The following SGK3 variants were observed in gnomAD, a reference collection of about 807,000 sequenced individuals.
SGK3 encodes the protein serine/threonine-protein kinase Sgk3.
SGK3 carries 47 observed loss-of-function variants against 68.5 expected under a neutral mutation model. The observed-to-expected ratio is 0.69, with a 90% CI of 0.54 to 0.87. The LOEUF is 0.87. SGK3 is among the 40% of genes least tolerant of loss of function. The probability of loss-of-function intolerance (pLI) is 0.00; values close to 1 mark genes in which losing one functional copy is unlikely to be tolerated. For synonymous variants in SGK3, 181 were observed against 189.1 expected (o/e 0.96, Z 0.35); for missense variants, 479 against 575.5 (o/e 0.83, Z 1.72).
chr8:66,858,036 A>C (rs1810594935), intron 16 of SGK3, among the ~76,000 whole-genome samples: 1 of 152,106 alleles, frequency 6.6e-6, no homozygotes. Context: ...AATTTTACTT[A>C]TAACCAAGAA....
At chr8:66,835,652 T>G (rs909897842) in intron 8 of SGK3, 111 bp from the exon 9 acceptor site, 2 of 1,199,186 alleles carry the variant, frequency 1.7e-6, no homozygotes, top group African/African-American at 3.1e-5. Context: ...CTAGGTCCCT[T>G]ATGGACTTTC....
At position 66,713,160 on chromosome 8, in the gene SGK3, C is replaced by T. The variant is rs144043560; in HGVS notation, c.-122+327C>T. 5.0e-3 allele frequency among the ~76,000 whole-genome samples: 764 copies of T among 152,302 alleles called. 1 individual carries two copies. Among genetic ancestry groups the T allele is most frequent in the Non-Finnish European group, 8.7e-3 (594 of 68,018 alleles). The stretch of plus-strand genomic sequence containing the variant: ...TCTGAGGTCGAAAGTGGGTGCAGGT[C>T]ACCTGCGAGGGTCGGGGAGGGGGCA... On this transcript the variant is annotated intron_variant, in intron 1 of 16. Transcript: ENST00000521198.
chr8:66,770,233 C>T (rs780752613), intron 1 of SGK3, among the ~76,000 whole-genome samples: 3 of 152,310 alleles, frequency 2.0e-5, no homozygotes, highest in South Asian at 4.1e-4. Context: ...GGATTACAGG[C>T]GTGAGCCACC....
chr8:66,761,707 AAC>A (rs1806168286), intron 1 of SGK3, among the ~76,000 whole-genome samples: 1 of 152,018 alleles, frequency 6.6e-6, no homozygotes, highest in African/African-American at 2.4e-5. Context: ...TGGCGGAGGT[AAC>A]AGTGAGCTGA....
At chr8:66,800,704 C>T (rs1201565165) in intron 3 of SGK3, among the ~76,000 whole-genome samples, 1 of 151,980 alleles carries the variant, frequency 6.6e-6, no homozygotes, top group Admixed American at 6.6e-5. Flanking sequence ...GTATTTGTTC[C>T]TAATATTCAA....
At chr8:66,772,834 A>T (rs1447382500) in intron 1 of SGK3, among the ~76,000 whole-genome samples, 1 of 151,914 alleles carries the variant, frequency 6.6e-6, no homozygotes, top group Non-Finnish European at 1.5e-5. Context: ...GGCTGGTCTC[A>T]AACTCCACTC....
At chr8:66,777,141 T>C (rs1325434348) in intron 1 of SGK3, among the ~76,000 whole-genome samples, 2 of 152,240 alleles carry the variant, frequency 1.3e-5, no homozygotes, top group African/African-American at 2.4e-5. Flanking sequence ...GCTACTGTTT[T>C]GTTAGTTGCT....
chr8:66,792,363 T>C (rs1053016584), intron 1 of SGK3, among the ~76,000 whole-genome samples: 1 of 151,254 alleles, frequency 6.6e-6, no homozygotes, highest in African/African-American at 2.4e-5. Context: ...TCTTTTTGAC[T>C]GCATTTCCAG....
chr8:66,744,491 A>G (rs1411512978), intron 1 of SGK3, among the ~76,000 whole-genome samples: 795 of 18,488 alleles, frequency 0.043, 14 homozygotes, highest in South Asian at 0.098. Context: ...GTGTATATAT[A>G]TATATATATA....
chr8:66,814,921 TTGTA>T (rs1808518294), intron 5 of SGK3, among the ~76,000 whole-genome samples: 1 of 152,222 alleles, frequency 6.6e-6, no homozygotes, highest in African/African-American at 2.4e-5. Flanking sequence ...GTTATAGTAC[TTGTA>T]TGTATAAAGT....
chr8:66,787,043 A>G (rs952217666), intron 1 of SGK3, among the ~76,000 whole-genome samples: 11 of 147,766 alleles, frequency 7.4e-5, no homozygotes, highest in African/African-American at 2.5e-4. Flanking sequence ...GTCCCAGTTC[A>G]AGCAATTCTC....
intron 2 of SGK3, among the ~76,000 whole-genome samples, chr8:66,795,533 G>C (rs147682152): frequency 6.6e-6 from 1 of 152,032 alleles, no homozygotes; most frequent in Non-Finnish European, 1.5e-5. Context: ...CTTTTCTCGA[G>C]GGGATACCTC....
intron 1 of SGK3, among the ~76,000 whole-genome samples, chr8:66,740,624 A>G (rs1805450684): frequency 6.6e-6 from 1 of 152,116 alleles, no homozygotes; most frequent in South Asian, 2.1e-4. Flanking sequence ...AAGTAGGCTG[A>G]GGCCGGGCAC....
intron 6 of SGK3, among the ~76,000 whole-genome samples, chr8:66,823,845 AATT>A (rs1808947662): frequency 6.6e-6 from 1 of 152,208 alleles, no homozygotes; most frequent in Admixed American, 6.5e-5. Flanking sequence ...GTAGCAATTA[AATT>A]ATTATAAATG....
chr8:66,736,672 T>C (rs1585647739), intron 1 of SGK3, among the ~76,000 whole-genome samples: 1 of 149,282 alleles, frequency 6.7e-6, no homozygotes, highest in Admixed American at 6.8e-5. Flanking sequence ...AAGGCTGGAG[T>C]GCAATGGCGC....
intron 1 of SGK3, among the ~76,000 whole-genome samples, chr8:66,752,060 T>G (rs1044629275): frequency 4.6e-5 from 7 of 152,144 alleles, no homozygotes; most frequent in Non-Finnish European, 1.0e-4. Context: ...CCCCCAAGCC[T>G]GGCCTAAAAA....
At position 66,736,946 on chromosome 8, in the gene SGK3, A is replaced by T. The variant is rs116028387; in HGVS notation, c.-122+24113A>T. 7.8e-3 allele frequency among the ~76,000 whole-genome samples: 1,165 copies of T among 149,834 alleles called. 12 individuals are homozygous for T. Among genetic ancestry groups the T allele is most frequent in the African/African-American group, 0.027 (1,081 of 39,438 alleles). ...CCCAGCTACTTTTTAAAAAATTTTT[A>T]AAAAAATATTTAGTAGAGAAGAGGC... On this transcript the variant is annotated intron_variant, in intron 1 of 16. Transcript: ENST00000521198.
intron 1 of SGK3, among the ~76,000 whole-genome samples, chr8:66,779,589 TA>T (rs1563623020): frequency 7.8e-6 from 1 of 127,996 alleles, no homozygotes; most frequent in South Asian, 2.3e-4. Context: ...TATATATATA[TA>T]TATATATATA....
chr8:66,844,963 T>G (rs1225380410), intron 14 of SGK3, among the ~76,000 whole-genome samples: 1 of 152,256 alleles, frequency 6.6e-6, no homozygotes, highest in East Asian at 1.9e-4. Context: ...GCACTATTTA[T>G]TTGCCATCTT....
Sources: gnomAD v4.1 joint callset for allele counts (sites outside exome capture counted in the v4.1 genomes callset) on GRCh38, gnomAD v4.1.1 for gene constraint, MANE v1.5 for transcripts, NCBI Gene and HGNC (gene_info 2026-07-23, HGNC 2026-07-21) for gene names.